NRG1: variants seen among roughly 807,000 people sequenced by gnomAD.
NRG1 encodes the protein pro-neuregulin-1, membrane-bound isoform.
NRG1 carries 18 observed loss-of-function variants against 63.8 expected under a neutral mutation model. The observed-to-expected ratio is 0.28, with a 90% CI of 0.19 to 0.42. The LOEUF is 0.42. NRG1 is among the 10% of genes least tolerant of loss of function. The probability of loss-of-function intolerance (pLI) is 1.00; values close to 1 mark genes in which losing one functional copy is unlikely to be tolerated. For missense variants in NRG1, 762 were observed against 814.7 expected, an observed-to-expected ratio of 0.94 and a Z score of 0.79; for synonymous variants, 302 against 301.3, an observed-to-expected ratio of 1.00 and a Z score of -0.02.
At chr8:31,942,996 C>A (rs1801991087) in intron 1 of NRG1, among the ~76,000 whole-genome samples, 1 of 151,818 alleles carries the variant, frequency 6.6e-6, no homozygotes, top group Admixed American at 6.6e-5. Flanking sequence ...GTAGATCTAC[C>A]ATTTGATCCA....
intron 1 of NRG1, among the ~76,000 whole-genome samples, chr8:31,729,375 A>G (rs1289236173): frequency 6.6e-6 from 1 of 152,122 alleles, no homozygotes; most frequent in Admixed American, 6.6e-5. Context: ...GCAAATACTT[A>G]CAGAAGAAAG....
chr8:31,654,995 C>T (rs769764707), intron 1 of NRG1, among the ~76,000 whole-genome samples: 1 of 152,052 alleles, frequency 6.6e-6, no homozygotes, highest in Non-Finnish European at 1.5e-5. Flanking sequence ...ATTTGCATAG[C>T]CTCCAAATCC....
intron 1 of NRG1, among the ~76,000 whole-genome samples, chr8:32,021,495 G>A (rs1816433751): frequency 6.6e-6 from 1 of 152,154 alleles, no homozygotes; most frequent in South Asian, 2.1e-4. Flanking sequence ...AGCCATTCAT[G>A]AAGGATCTGC....
intron 1 of NRG1, among the ~76,000 whole-genome samples, chr8:32,583,748 T>C (rs1368411874): frequency 6.6e-6 from 1 of 152,228 alleles, no homozygotes; most frequent in Non-Finnish European, 1.5e-5. Context: ...TACCACTATT[T>C]AGCCTACTGT....
intron 5 of NRG1, among the ~76,000 whole-genome samples, chr8:32,634,099 T>TAAAAAAAAAGAAAAAAAA (rs1850847637): frequency 1.2e-5 from 1 of 86,796 alleles, no homozygotes; most frequent in African/African-American, 6.7e-5. Flanking sequence ...GATCTTGTCT[T>TAAAAAAAAAGAAAAAAAA]AAAAAAAAAA....
In NRG1 at chr8:31,780,108, A is replaced by G. The variant is rs201672057; in HGVS notation, c.37+140677A>G. Among the ~76,000 whole-genome samples the G allele has an allele frequency of 3.3e-5, 5 of 152,210 alleles. No homozygotes were observed. The East Asian group carries it at 9.6e-4, about 29-fold the overall frequency. On this transcript the variant is annotated intron_variant, in intron 1 of 10. Coordinates refer to the NRG1 transcript ENST00000519301. Reference sequence around the variant, plus strand: ...AAGAGTTTTCTGATGATGAGTCTTTATAAACAGAGGATTTACTGGGAACTA... The same window carrying G: ...AAGAGTTTTCTGATGATGAGTCTTTGTAAACAGAGGATTTACTGGGAACTA...
At chr8:31,882,486 C>G (rs1486947916) in intron 1 of NRG1, among the ~76,000 whole-genome samples, 3 of 152,028 alleles carry the variant, frequency 2.0e-5, no homozygotes, top group Non-Finnish European at 4.4e-5. Context: ...GCTCCTGGAC[C>G]AAGGAGCAAT....
At chr8:32,412,434 A>ATATATATATATATG (rs1815163153) in intron 1 of NRG1, among the ~76,000 whole-genome samples, 1 of 39,958 alleles carries the variant, frequency 2.5e-5, no homozygotes, top group African/African-American at 7.0e-5. Flanking sequence ...ATATATATAT[A>ATATATATATATATG]TATATATATA....
chr8:32,272,506 C>A (rs1435613972), intron 1 of NRG1, among the ~76,000 whole-genome samples: 2 of 152,174 alleles, frequency 1.3e-5, no homozygotes, highest in Non-Finnish European at 2.9e-5. Context: ...TTGTTAGAAT[C>A]AGTTGCCTTG....
intron 1 of NRG1, among the ~76,000 whole-genome samples, chr8:32,440,383 T>A (rs542289147): frequency 3.9e-5 from 6 of 152,130 alleles, no homozygotes; most frequent in Non-Finnish European, 8.8e-5. Context: ...GGTCTTGAAC[T>A]CCTGGGCTCA....
At chr8:31,886,104 TA>T (rs1353802582) in intron 1 of NRG1, among the ~76,000 whole-genome samples, 1 of 152,092 alleles carries the variant, frequency 6.6e-6, no homozygotes, top group Non-Finnish European at 1.5e-5. Context: ...GGTAGGATAT[TA>T]AAAATTAATC....
intron 1 of NRG1, among the ~76,000 whole-genome samples, chr8:32,247,193 A>G (rs1267497720): frequency 6.6e-6 from 1 of 152,168 alleles, no homozygotes; most frequent in Non-Finnish European, 1.5e-5. Flanking sequence ...ACATTTTAAA[A>G]ATAACTGAAA....
At chr8:32,491,394 C>G (rs1218390325) in intron 1 of NRG1, among the ~76,000 whole-genome samples, 1 of 151,988 alleles carries the variant, frequency 6.6e-6, no homozygotes, top group Non-Finnish European at 1.5e-5. Context: ...AATAAATTTC[C>G]CAGTCAATCC....
intron 1 of NRG1, among the ~76,000 whole-genome samples, chr8:31,922,703 T>C (rs957551518): frequency 6.6e-6 from 1 of 152,184 alleles, no homozygotes; most frequent in Non-Finnish European, 1.5e-5. Flanking sequence ...AGCCAAGTTC[T>C]AGTCCAAATT....
At chr8:32,216,329 A>G (rs1845220530) in intron 1 of NRG1, among the ~76,000 whole-genome samples, 1 of 149,664 alleles carries the variant, frequency 6.7e-6, no homozygotes, top group East Asian at 1.9e-4. Context: ...ACTTTAGGTT[A>G]TTATTTGTCT....
At chr8:32,655,203 A>G (rs953412969) in intron 5 of NRG1, among the ~76,000 whole-genome samples, 1 of 152,180 alleles carries the variant, frequency 6.6e-6, no homozygotes, top group Admixed American at 6.5e-5. Context: ...TGGTTTGGTA[A>G]CAATGCCTGG....
At chr8:31,779,865 A>G (rs150526328) in intron 1 of NRG1, among the ~76,000 whole-genome samples, 3,441 of 152,356 alleles carry the variant, frequency 0.023, 53 homozygotes, top group Middle Eastern at 0.088. Context: ...AGGTTATACC[A>G]AACAGATCAC....
intron 5 of NRG1, among the ~76,000 whole-genome samples, chr8:32,629,100 C>G (rs776319297): frequency 9.9e-5 from 15 of 152,164 alleles, no homozygotes; most frequent in Admixed American, 2.0e-4. Flanking sequence ...GCACATAACT[C>G]TTCTCCTTCC....
At chr8:32,380,097 T>C (rs1810148795) in intron 1 of NRG1, among the ~76,000 whole-genome samples, 1 of 152,192 alleles carries the variant, frequency 6.6e-6, no homozygotes, top group African/African-American at 2.4e-5. Context: ...ATTACCTTTT[T>C]GCTTCTATCT....
Sources: gnomAD v4.1 joint callset for allele counts (sites outside exome capture counted in the v4.1 genomes callset) on GRCh38, gnomAD v4.1.1 for gene constraint, MANE v1.5 for transcripts, NCBI Gene and HGNC (gene_info 2026-07-23, HGNC 2026-07-21) for gene names.